The following KPNA7 variants were observed in gnomAD, a reference collection of about 807,000 sequenced individuals.
KPNA7 encodes the protein importin subunit alpha-8.
KPNA7 carries 54 observed loss-of-function variants against 53.7 expected under a neutral mutation model. The observed-to-expected ratio is 1.01, with a 90% CI of 0.81 to 1.26. The LOEUF is 1.26. Ranked by LOEUF, KPNA7 falls within the 50% of genes most tolerant of loss-of-function variation. The pLI is 0.00. For synonymous variants in KPNA7, 276 were observed against 259.3 expected, an observed-to-expected ratio of 1.06 and a Z score of -0.62; for missense variants, 640 against 644.5, an observed-to-expected ratio of 0.99 and a Z score of 0.07.
chr7:99,198,064 T>C (rs530577463), intron 3 of KPNA7, among the ~76,000 whole-genome samples: 27 of 152,126 alleles, frequency 1.8e-4, no homozygotes, highest in South Asian at 2.1e-4. Context: ...ATCAAAAACA[T>C]TGAAACCAGC....
At chr7:99,160,228 G>C in the KPNA7 span, among the ~76,000 whole-genome samples, 1 of 151,706 alleles carries the variant, frequency 6.6e-6, no homozygotes, top group African/African-American at 2.4e-5. Flanking sequence ...GGGTTTCACC[G>C]TGTTAGCCAG....
At chr7:99,146,248 G>A in the KPNA7 span, among the ~76,000 whole-genome samples, 1 of 152,072 alleles carries the variant, frequency 6.6e-6, no homozygotes, top group Non-Finnish European at 1.5e-5. Flanking sequence ...TCCCCGCCCC[G>A]ACGGCTGGTT....
chr7:99,188,841 C>A (rs1434315011), intron 6 of KPNA7, among the ~76,000 whole-genome samples: 1 of 152,078 alleles, frequency 6.6e-6, no homozygotes, highest in African/African-American at 2.4e-5. Context: ...CCACACACGC[C>A]CAGCTAATTT....
the KPNA7 span, among the ~76,000 whole-genome samples, chr7:99,154,530 CT>C: frequency 0.023 from 3,251 of 141,876 alleles, 99 homozygotes; most frequent in African/African-American, 0.075. Context: ...AAACTTAGGT[CT>C]TTTTTTTTTT....
At chr7:99,167,339 G>T in the KPNA7 span, among the ~76,000 whole-genome samples, 9 of 152,306 alleles carry the variant, frequency 5.9e-5, no homozygotes, top group African/African-American at 2.2e-4. Context: ...GGGCCACCCA[G>T]CAGGAGGTGA....
intron 9 of KPNA7, among the ~76,000 whole-genome samples, chr7:99,180,763 G>A (rs1449428304): frequency 7.1e-5 from 2 of 28,332 alleles, no homozygotes; most frequent in African/African-American, 3.5e-4. Context: ...CTCTCTCCCC[G>A]TCTGTGTCTC....
At chr7:99,162,573 G>A in the KPNA7 span, among the ~76,000 whole-genome samples, 1 of 152,062 alleles carries the variant, frequency 6.6e-6, no homozygotes, top group Non-Finnish European at 1.5e-5. Context: ...AAGGCAAATT[G>A]CTCCTTTTTT....
At chr7:99,172,957 G>T (rs1240455203), downstream of KPNA7, among the ~76,000 whole-genome samples, 1 of 149,262 alleles carries the variant, frequency 6.7e-6, no homozygotes, top group East Asian at 2.0e-4. Flanking sequence ...CAGCTATTTG[G>T]CAGGAGAGGC....
intron 10 of KPNA7, among the ~76,000 whole-genome samples, chr7:99,174,199 AC>A (rs999633476): frequency 8.6e-5 from 13 of 151,970 alleles, no homozygotes; most frequent in African/African-American, 3.1e-4. Context: ...AGCAGCACAA[AC>A]CCTATTGTGA....
the KPNA7 span, among the ~76,000 whole-genome samples, chr7:99,150,233 T>G: frequency 6.6e-6 from 1 of 150,442 alleles, no homozygotes; most frequent in Admixed American, 6.6e-5. Flanking sequence ...GTAGCTGAGA[T>G]TACAGGCGCA....
chr7:99,204,419 T>G (rs1487475512), intron 2 of KPNA7, among the ~76,000 whole-genome samples: 1 of 152,010 alleles, frequency 6.6e-6, no homozygotes, highest in Non-Finnish European at 1.5e-5. Flanking sequence ...CCCGATCTTA[T>G]GTCAGTTAAT....
the KPNA7 span, among the ~76,000 whole-genome samples, chr7:99,162,008 C>T: frequency 4.0e-5 from 6 of 150,716 alleles, no homozygotes; most frequent in East Asian, 5.8e-4. Flanking sequence ...AGATAAGTTA[C>T]GCAGTGTGCA....
intron 1 of KPNA7, among the ~76,000 whole-genome samples, chr7:99,217,358 A>G (rs923405911): frequency 8.5e-5 from 13 of 152,158 alleles, no homozygotes; most frequent in Admixed American, 7.9e-4. Flanking sequence ...GATCTGCATC[A>G]CTACCAGCCA....
the KPNA7 span, among the ~76,000 whole-genome samples, chr7:99,163,346 AAT>A: frequency 7.9e-6 from 1 of 127,060 alleles, no homozygotes; most frequent in Non-Finnish European, 1.7e-5. Context: ...ATGCACTATA[AAT>A]ATGAGTGTGT....
chr7:99,185,738 CT>C (rs1355768649), intron 7 of KPNA7, among the ~76,000 whole-genome samples: 6 of 152,162 alleles, frequency 3.9e-5, no homozygotes, highest in Non-Finnish European at 5.9e-5. Flanking sequence ...TGCTGTTGGA[CT>C]TTTCATATGC....
At chr7:99,211,417 G>T (rs1025107347), upstream of KPNA7, among the ~76,000 whole-genome samples, 6 of 152,228 alleles carry the variant, frequency 3.9e-5, no homozygotes, top group African/African-American at 1.4e-4. Flanking sequence ...GTGAGACTCT[G>T]TCTCAAAAAA....
upstream of KPNA7, among the ~76,000 whole-genome samples, chr7:99,209,181 C>A (rs919637993): frequency 1.3e-5 from 2 of 151,720 alleles, no homozygotes; most frequent in African/African-American, 4.8e-5. Flanking sequence ...GGCTTTCACA[C>A]GGTGTGTCTG....
intron 5 of KPNA7, 86 bp from the exon 6 acceptor site, chr7:99,193,187 G>A: frequency 1.3e-6 from 1 of 774,020 alleles, no homozygotes; most frequent in Non-Finnish European, 1.9e-6. Context: ...GTGTGCAAAG[G>A]GCAAGAGACA....
At chr7:99,198,549 AG>A in intron 3 of KPNA7, among the ~76,000 whole-genome samples, 1 of 152,180 alleles carries the variant, frequency 6.6e-6, no homozygotes, top group Non-Finnish European at 1.5e-5. Context: ...ATCTCAATGC[AG>A]AAAAAACATT....
Sources: gnomAD v4.1 joint callset for allele counts (sites outside exome capture counted in the v4.1 genomes callset) on GRCh38, gnomAD v4.1.1 for gene constraint, MANE v1.5 for transcripts, NCBI Gene and HGNC (gene_info 2026-07-23, HGNC 2026-07-21) for gene names.